GRIN3A: variants seen among roughly 807,000 people sequenced by gnomAD.
GRIN3A encodes the protein glutamate ionotropic receptor NMDA type subunit 3A.
Under a neutral mutation model 92.4 loss-of-function variants are expected in GRIN3A, and 47 were observed. That is an observed-to-expected ratio of 0.51 (90% CI 0.40 to 0.65). The LOEUF (loss-of-function observed/expected upper bound fraction) is 0.65, where lower values mean the gene tolerates loss of function less well. Ranked by LOEUF, GRIN3A falls within the 30% of genes least tolerant of loss-of-function variation. GRIN3A has a pLI of 0.00. For synonymous variants in GRIN3A, 527 were observed against 540.6 expected (o/e 0.97, Z 0.35); for missense variants, 1,324 against 1,393.1 (o/e 0.95, Z 0.79).
intron 1 of GRIN3A, among the ~76,000 whole-genome samples, chr9:101,714,000 CTG>C (rs1275636978): frequency 6.6e-6 from 1 of 152,126 alleles, no homozygotes; most frequent in Non-Finnish European, 1.5e-5. Context: ...GCACTCCAGT[CTG>C]TGCAACAGAG....
At chr9:101,642,902 C>T (rs1294933759) in intron 3 of GRIN3A, among the ~76,000 whole-genome samples, 1 of 152,178 alleles carries the variant, frequency 6.6e-6, no homozygotes, top group Non-Finnish European at 1.5e-5. Flanking sequence ...CAGATGGGAT[C>T]ACCTAGTTGC....
At chr9:101,619,055 G>C (rs190593979) in intron 5 of GRIN3A, among the ~76,000 whole-genome samples, 173 of 152,278 alleles carry the variant, frequency 1.1e-3, no homozygotes, top group African/African-American at 3.9e-3. Context: ...TTTCACCATG[G>C]ATAAATCAGC....
In GRIN3A at chr9:101,718,074, T is replaced by G. The variant is rs1282475484; in HGVS notation, c.699+19207A>C. Among the ~76,000 whole-genome samples the G allele has an allele frequency of 2.0e-5, 3 of 152,132 alleles. No individual in the cohort carries two copies. The East Asian group carries it at 5.8e-4, about 29-fold the overall frequency. Reference sequence around the variant, plus strand: ...TCACCATACCTTGACATATGGTGGGTTTTCCACAGGTGTGATTTAGCAGTT... The same window carrying G: ...TCACCATACCTTGACATATGGTGGGGTTTCCACAGGTGTGATTTAGCAGTT... On this transcript the variant is annotated intron_variant, in intron 1 of 8. Coordinates refer to ENST00000361820, the MANE Select transcript of GRIN3A (RefSeq NM_133445.3).
At chr9:101,634,096 G>T (rs1384508495) in intron 3 of GRIN3A, among the ~76,000 whole-genome samples, 7 of 152,052 alleles carry the variant, frequency 4.6e-5, no homozygotes, top group Non-Finnish European at 8.8e-5. Flanking sequence ...CACTTTGGGA[G>T]GCCGAGGCGG....
chr9:101,608,258 A>T (rs1338741057), intron 6 of GRIN3A, among the ~76,000 whole-genome samples: 7 of 152,062 alleles, frequency 4.6e-5, no homozygotes. Flanking sequence ...CCTTCTTCTC[A>T]TTCCTAGTTC....
chr9:101,651,493 G>A (rs188732934), intron 3 of GRIN3A, among the ~76,000 whole-genome samples: 68 of 152,040 alleles, frequency 4.5e-4, no homozygotes, highest in African/African-American at 1.6e-3. Context: ...TAATTTTATT[G>A]CAGCATTTTA....
At chr9:101,624,769 T>G (rs955262175) in intron 4 of GRIN3A, among the ~76,000 whole-genome samples, 1 of 152,166 alleles carries the variant, frequency 6.6e-6, no homozygotes, top group Non-Finnish European at 1.5e-5. Context: ...CAAATGGTAT[T>G]TCTAGTTCTA....
intron 3 of GRIN3A, among the ~76,000 whole-genome samples, chr9:101,637,762 G>A (rs1311281670): frequency 6.6e-6 from 1 of 152,162 alleles, no homozygotes; most frequent in Non-Finnish European, 1.5e-5. Flanking sequence ...ATAAAGGAGA[G>A]TTCTGAACCA....
At chr9:101,718,031 C>A (rs1029711674) in intron 1 of GRIN3A, among the ~76,000 whole-genome samples, 4 of 152,182 alleles carry the variant, frequency 2.6e-5, no homozygotes, top group African/African-American at 4.8e-5. Context: ...CAGGGCCTTG[C>A]ACTCTTTTAG....
intron 2 of GRIN3A, among the ~76,000 whole-genome samples, chr9:101,681,408 C>A (rs1295890409): frequency 1.3e-5 from 2 of 152,186 alleles, no homozygotes; most frequent in African/African-American, 4.8e-5. Flanking sequence ...ATATAAAATG[C>A]AAATGCCTTA....
intron 5 of GRIN3A, among the ~76,000 whole-genome samples, chr9:101,618,678 ATAAAT>A (rs994755488): frequency 2.6e-5 from 4 of 152,202 alleles, no homozygotes; most frequent in Admixed American, 6.5e-5. Context: ...AAATAGGAAA[ATAAAT>A]TATGTGATGA....
rs1264870721 is a variant in GRIN3A at position 101,737,968 on chromosome 9, C to G, written c.12G>C (p.Leu4=). 5 of 1,536,274 alleles carry G rather than the reference C, an allele frequency of 3.3e-6. No homozygotes were observed. The South Asian group carries it at 4.8e-5, about 15-fold the overall frequency. ...CCCTGCTCAGCAGCCACCACAAACT[C>G]AGTCTCCTCATTACTGAGACCCGCA... The part of the protein sequence containing the change: MRR[L]SLWWLLSRVC... Residue 4 remains leucine (L), a synonymous_variant, in exon 1 of 9, where the codon CTG becomes CTC. Transcript: ENST00000361820.
chr9:101,728,494 G>A (rs1830103471), intron 1 of GRIN3A, among the ~76,000 whole-genome samples: 1 of 152,128 alleles, frequency 6.6e-6, no homozygotes, highest in South Asian at 2.1e-4. Context: ...AAACACAAAG[G>A]AAAATCTCAC....
intron 6 of GRIN3A, among the ~76,000 whole-genome samples, chr9:101,586,425 C>T (rs1827951132): frequency 6.6e-6 from 1 of 151,970 alleles, no homozygotes. Flanking sequence ...TGCATAATTT[C>T]CCCCACCCCC....
At chr9:101,727,687 CAGA>C (rs1830096069) in intron 1 of GRIN3A, among the ~76,000 whole-genome samples, 1 of 151,708 alleles carries the variant, frequency 6.6e-6, no homozygotes, top group Non-Finnish European at 1.5e-5. Flanking sequence ...TAGTAGAAGG[CAGA>C]AGAAGATCTT....
At chr9:101,610,184 A>C (rs729688) in intron 6 of GRIN3A, among the ~76,000 whole-genome samples, 82,811 of 152,046 alleles carry the variant, frequency 0.54, 23,047 homozygotes, top group African/African-American at 0.67. Context: ...TTAGGAAAAG[A>C]CACGCAAATC....
chr9:101,674,860 G>T (rs911373552), intron 2 of GRIN3A, among the ~76,000 whole-genome samples: 4 of 151,992 alleles, frequency 2.6e-5, no homozygotes, highest in African/African-American at 4.8e-5. Context: ...AAAAATATTA[G>T]AAAATAACAT....
At chr9:101,650,825 A>AGATTTTAAAATTTTTG (rs1829005759) in intron 3 of GRIN3A, among the ~76,000 whole-genome samples, 1 of 151,766 alleles carries the variant, frequency 6.6e-6, no homozygotes, top group African/African-American at 2.4e-5. Flanking sequence ...ACCCCCCCAC[A>AGATTTTAAAATTTTTG]CACATTTTGT....
At chr9:101,678,284 A>G (rs930397438) in intron 2 of GRIN3A, among the ~76,000 whole-genome samples, 4 of 152,200 alleles carry the variant, frequency 2.6e-5, no homozygotes, top group African/African-American at 9.7e-5. Flanking sequence ...TGTAATTTGC[A>G]AATTGTTTGA....
Sources: allele counts gnomAD v4.1 joint callset (sites outside exome capture counted in the v4.1 genomes callset), GRCh38; gene constraint gnomAD v4.1.1; transcripts MANE v1.5; gene names NCBI Gene and HGNC (gene_info 2026-07-23, HGNC 2026-07-21).